LARGE1: variants seen among roughly 807,000 people sequenced by gnomAD.
LARGE1 encodes the protein LARGE xylosyl- and glucuronyltransferase 1.
Under a neutral mutation model 87.6 loss-of-function variants are expected in LARGE1, and 43 were observed. The observed-to-expected ratio is 0.49, with a 90% CI of 0.38 to 0.63. The LOEUF (loss-of-function observed/expected upper bound fraction) is 0.63. Ranked by LOEUF, LARGE1 falls within the 30% of genes least tolerant of loss-of-function variation. The probability of loss-of-function intolerance (pLI) is 0.00; values close to 1 mark genes in which losing one functional copy is unlikely to be tolerated. For synonymous variants in LARGE1, 434 were observed against 394.6 expected (o/e 1.10, Z -1.18); for missense variants, 802 against 1,000.2 (o/e 0.80, Z 2.67).
At chr22:33,420,068 T>C (rs1439121092) in intron 7 of LARGE1, among the ~76,000 whole-genome samples, 1 of 152,178 alleles carries the variant, frequency 6.6e-6, no homozygotes, top group Non-Finnish European at 1.5e-5. Flanking sequence ...TAAGTGCCCG[T>C]AGAACCTCCT....
intron 5 of LARGE1, among the ~76,000 whole-genome samples, chr22:33,591,935 AGG>A (rs1443276862): frequency 6.7e-6 from 1 of 149,342 alleles, no homozygotes; most frequent in East Asian, 2.0e-4. Flanking sequence ...ATGAGGCAGG[AGG>A]ATTGCTTGAG....
the LARGE1 span, chr22:33,116,072 C>G: frequency 6.6e-6 from 1 of 152,176 alleles, no homozygotes; most frequent in Non-Finnish European, 1.5e-5. Context: ...CCTAGGACAG[C>G]ACCCAAAAAA....
At chr22:33,350,157 G>A (rs1029930637) in intron 9 of LARGE1, among the ~76,000 whole-genome samples, 1 of 152,280 alleles carries the variant, frequency 6.6e-6, no homozygotes, top group East Asian at 1.9e-4. Flanking sequence ...CAATTCAGCT[G>A]TATTTTCTCT....
chr22:33,603,266 G>T (rs1391493072), intron 5 of LARGE1, among the ~76,000 whole-genome samples: 1 of 152,158 alleles, frequency 6.6e-6, no homozygotes, highest in East Asian at 1.9e-4. Flanking sequence ...TTTGGAACAA[G>T]CAATTTGCCA....
At chr22:33,392,864 G>T (rs117168668) in intron 7 of LARGE1, among the ~76,000 whole-genome samples, 14 of 152,162 alleles carry the variant, frequency 9.2e-5, no homozygotes, top group Non-Finnish European at 1.5e-4. Context: ...CAAAATTCCC[G>T]TGAGTGTGAA....
chr22:33,316,903 A>G (rs548190040), intron 10 of LARGE1, among the ~76,000 whole-genome samples: 3 of 152,292 alleles, frequency 2.0e-5, no homozygotes, highest in East Asian at 1.9e-4. Flanking sequence ...ACAACTCAGC[A>G]TAACAATTTC....
intron 11 of LARGE1, among the ~76,000 whole-genome samples, chr22:33,179,721 C>T (rs1440898332): frequency 2.0e-5 from 3 of 152,160 alleles, no homozygotes; most frequent in African/African-American, 7.2e-5. Context: ...TATTTGGATT[C>T]AGTTAGACTA....
chr22:33,768,240 C>T (rs1019366326), intron 1 of LARGE1, among the ~76,000 whole-genome samples: 1 of 152,000 alleles, frequency 6.6e-6, no homozygotes, highest in African/African-American at 2.4e-5. Flanking sequence ...ACCCAGGAGG[C>T]GGAGCTTGCA....
chr22:33,418,447 G>C (rs1344761258), intron 7 of LARGE1, among the ~76,000 whole-genome samples: 1 of 152,194 alleles, frequency 6.6e-6, no homozygotes, highest in Non-Finnish European at 1.5e-5. Context: ...ATGGACAGCA[G>C]TCAAATAATC....
intron 11 of LARGE1, among the ~76,000 whole-genome samples, chr22:33,265,367 T>G (rs916040857): frequency 1.3e-5 from 2 of 152,206 alleles, no homozygotes; most frequent in Admixed American, 1.3e-4. Context: ...GCTATCCATC[T>G]CCAGCTATCC....
chr22:33,385,881 T>C lies in LARGE1; in HGVS notation c.893-1577A>G. On this transcript the variant is annotated intron_variant, in intron 7 of 14. Coordinates refer to ENST00000397394, the MANE Select transcript of LARGE1 (RefSeq NM_133642.5). ...ATGATCTTAGTTGAAACCTAGCACCTGCATTTCCAAGACTCTAGGAAAGAA... is the reference window on the plus strand; with the variant it reads ...ATGATCTTAGTTGAAACCTAGCACCCGCATTTCCAAGACTCTAGGAAAGAA... Among the ~76,000 whole-genome samples the C allele has an allele frequency of 1.3e-5, 2 of 148,790 alleles. 1 individual carries two copies. The highest frequency in any genetic ancestry group is 3.0e-5 in the Non-Finnish European group (2 of 66,556).
At chr22:33,665,562 A>G (rs2081244627) in intron 2 of LARGE1, among the ~76,000 whole-genome samples, 2 of 152,206 alleles carry the variant, frequency 1.3e-5, no homozygotes, top group Non-Finnish European at 2.9e-5. Context: ...TAGTGATTTC[A>G]GTTCTCTGAA....
At chr22:33,236,101 G>A (rs1926236497) in intron 11 of LARGE1, among the ~76,000 whole-genome samples, 1 of 152,138 alleles carries the variant, frequency 6.6e-6, no homozygotes, top group African/African-American at 2.4e-5. Context: ...CAGCTGGAGA[G>A]AGGCATGGAA....
chr22:33,124,719 A>AG, the LARGE1 span, among the ~76,000 whole-genome samples: 1 of 152,208 alleles, frequency 6.6e-6, no homozygotes, highest in Non-Finnish European at 1.5e-5. Flanking sequence ...CTCAAGAGCA[A>AG]GGCTGGGCGT....
At chr22:33,157,562 C>T (rs1445809332), downstream of LARGE1, among the ~76,000 whole-genome samples, 1 of 152,160 alleles carries the variant, frequency 6.6e-6, no homozygotes, top group African/African-American at 2.4e-5. Flanking sequence ...AGAACCACTG[C>T]TCATTGTCTT....
intron 3 of LARGE1, among the ~76,000 whole-genome samples, chr22:33,628,173 G>C (rs1281481457): frequency 1.3e-5 from 2 of 152,192 alleles, no homozygotes; most frequent in African/African-American, 4.8e-5. Context: ...AGCAAATCAT[G>C]ACATTCCAGG....
chr22:33,523,679 CT>C (rs34683069), intron 6 of LARGE1, among the ~76,000 whole-genome samples: 63,985 of 147,758 alleles, frequency 0.43, 14,709 homozygotes, highest in Admixed American at 0.52. Context: ...CATATCATTT[CT>C]TTTTTTTTTT....
At chr22:33,626,456 T>C in intron 3 of LARGE1, 130 bp from the exon 4 acceptor site, 1 of 720,068 alleles carries the variant, frequency 1.4e-6, no homozygotes, top group East Asian at 2.7e-5. Flanking sequence ...AAGGACACTG[T>C]CTGCAGCTGT....
At chr22:33,525,043 A>G (rs145677959) in intron 6 of LARGE1, among the ~76,000 whole-genome samples, 1 of 152,296 alleles carries the variant, frequency 6.6e-6, no homozygotes, top group African/African-American at 2.4e-5. Context: ...GTAAATGTTT[A>G]ATCTTTTGTT....
Sources: allele counts gnomAD v4.1 joint callset (sites outside exome capture counted in the v4.1 genomes callset), GRCh38; gene constraint gnomAD v4.1.1; transcripts MANE v1.5; gene names NCBI Gene and HGNC (gene_info 2026-07-23, HGNC 2026-07-21).